The following ZNF385D variants were observed in gnomAD, a reference collection of about 807,000 sequenced individuals.
ZNF385D encodes zinc finger protein 385D, also known as zinc finger protein 659.
In ZNF385D, 15 loss-of-function variants were observed where a neutral mutation model predicts 35.8. The ratio of observed to expected loss-of-function variants is 0.42; its 90% CI spans 0.28 to 0.64. The LOEUF (loss-of-function observed/expected upper bound fraction) is 0.64. Ranked by LOEUF, ZNF385D falls within the 30% of genes least tolerant of loss-of-function variation. The probability of loss-of-function intolerance (pLI) is 0.23; values close to 1 mark genes in which losing one functional copy is unlikely to be tolerated. For synonymous variants in ZNF385D, 212 were observed against 186.8 expected, an observed-to-expected ratio of 1.13 and a Z score of -1.10; for missense variants, 474 against 494.6, an observed-to-expected ratio of 0.96 and a Z score of 0.39.
intron 3 of ZNF385D, among the ~76,000 whole-genome samples, chr3:22,031,053 T>C (rs1450708435): frequency 6.6e-6 from 1 of 152,218 alleles, no homozygotes; most frequent in Non-Finnish European, 1.5e-5. Flanking sequence ...GACATCCTGA[T>C]ACAAGGGGTG....
chr3:21,841,905 CATACAT>C (rs1232220526), intron 3 of ZNF385D, among the ~76,000 whole-genome samples: 1 of 151,392 alleles, frequency 6.6e-6, no homozygotes, highest in African/African-American at 2.4e-5. Flanking sequence ...CTCAGAAATA[CATACAT>C]ATATGTATAT....
intron 1 of ZNF385D, among the ~76,000 whole-genome samples, chr3:21,666,628 G>A (rs1156332220): frequency 1.3e-5 from 2 of 152,142 alleles, no homozygotes; most frequent in Admixed American, 6.5e-5. Context: ...TGTCCACTTG[G>A]TAGTGTATTG....
intron 2 of ZNF385D, among the ~76,000 whole-genome samples, chr3:22,192,207 G>C (rs1217537282): frequency 6.6e-6 from 1 of 152,186 alleles, no homozygotes; most frequent in Non-Finnish European, 1.5e-5. Flanking sequence ...AGTTCTGAGA[G>C]ATTTGGTGTT....
rs1484494022 is a variant in ZNF385D, at chr3:21,444,318, G to A, written c.440-7115C>T. ...GCTGGTCTTGAACTCCTGACCTGAC[G>A]ATCTGCCCACCTTGGTCTCCAAAAG... On this transcript the variant is annotated intron_variant, in intron 4 of 7. Coordinates refer to ENST00000281523, the MANE Select transcript of ZNF385D (RefSeq NM_024697.3). 4.0e-5 allele frequency among the ~76,000 whole-genome samples: 6 copies of A among 149,888 alleles called. No homozygotes were observed. The East Asian group carries it at 5.9e-4, about 15-fold the overall frequency.
chr3:22,196,446 C>T (rs1162199833), intron 2 of ZNF385D, among the ~76,000 whole-genome samples: 1 of 151,870 alleles, frequency 6.6e-6, no homozygotes, highest in Non-Finnish European at 1.5e-5. Flanking sequence ...AATCTATGTT[C>T]TATTTGTTTT....
At chr3:21,460,864 TTC>T (rs1436134127) in intron 4 of ZNF385D, among the ~76,000 whole-genome samples, 42 of 152,296 alleles carry the variant, frequency 2.8e-4, no homozygotes, top group African/African-American at 1.0e-3. Context: ...AGTCTCAGCT[TTC>T]TCTCTGTCAT....
intron 3 of ZNF385D, among the ~76,000 whole-genome samples, chr3:21,867,755 A>T (rs1383201964): frequency 1.5e-5 from 2 of 134,966 alleles, no homozygotes; most frequent in African/African-American, 5.4e-5. Context: ...AAAAAAAAAA[A>T]ACCTCAACCA....
chr3:22,331,629 G>C (rs144994028), intron 2 of ZNF385D, among the ~76,000 whole-genome samples: 26 of 152,134 alleles, frequency 1.7e-4, no homozygotes, highest in African/African-American at 6.0e-4. Context: ...TCAAAACTTT[G>C]GTACAAGGAG....
intron 3 of ZNF385D, among the ~76,000 whole-genome samples, chr3:21,891,573 G>A (rs1272545883): frequency 6.6e-6 from 1 of 152,052 alleles, no homozygotes; most frequent in Non-Finnish European, 1.5e-5. Flanking sequence ...TGTGTATCTG[G>A]CAATTAAACT....
At chr3:22,171,975 AT>A (rs1694482501) in intron 2 of ZNF385D, among the ~76,000 whole-genome samples, 1 of 152,080 alleles carries the variant, frequency 6.6e-6, no homozygotes, top group African/African-American at 2.4e-5. Flanking sequence ...TTCGTAAGCA[AT>A]TTTCCTCCCC....
intron 3 of ZNF385D, among the ~76,000 whole-genome samples, chr3:21,868,953 G>C (rs1697537322): frequency 6.6e-6 from 1 of 152,024 alleles, no homozygotes; most frequent in Non-Finnish European, 1.5e-5. Context: ...ATATTCTACA[G>C]ATTGCCTAAA....
At chr3:21,846,679 C>G (rs1515451) in intron 3 of ZNF385D, among the ~76,000 whole-genome samples, 66,215 of 151,742 alleles carry the variant, frequency 0.44, 14,710 homozygotes, top group Middle Eastern at 0.48. Flanking sequence ...TTTCCAGAGT[C>G]TGATTCCTAG....
intron 2 of ZNF385D, among the ~76,000 whole-genome samples, chr3:22,242,692 A>G (rs1055753767): frequency 1.3e-5 from 2 of 151,182 alleles, no homozygotes; most frequent in Non-Finnish European, 2.9e-5. Context: ...ATCCTGGAAC[A>G]TTAACAAAAA....
intron 2 of ZNF385D, among the ~76,000 whole-genome samples, chr3:22,358,074 CAATA>C (rs1241987808): frequency 2.6e-5 from 4 of 151,762 alleles, no homozygotes; most frequent in African/African-American, 9.7e-5. Flanking sequence ...ACTGGGCACT[CAATA>C]AATATTTGTC....
chr3:22,365,642 A>G (rs1490686704), intron 2 of ZNF385D, among the ~76,000 whole-genome samples: 1 of 152,132 alleles, frequency 6.6e-6, no homozygotes, highest in Non-Finnish European at 1.5e-5. Flanking sequence ...ACTTTGGGGA[A>G]TTCAAAGGTA....
At chr3:22,077,460 C>T (rs1213662586) in intron 3 of ZNF385D, among the ~76,000 whole-genome samples, 3 of 151,894 alleles carry the variant, frequency 2.0e-5, no homozygotes, top group Non-Finnish European at 4.4e-5. Context: ...GTAATTTGGT[C>T]CAGTTCAGGC....
At chr3:22,262,770 A>C (rs1700701634) in intron 2 of ZNF385D, among the ~76,000 whole-genome samples, 1 of 151,948 alleles carries the variant, frequency 6.6e-6, no homozygotes, top group African/African-American at 2.4e-5. Context: ...ATTAAAAAAA[A>C]AGATAATTGA....
intron 3 of ZNF385D, among the ~76,000 whole-genome samples, chr3:22,003,790 C>T (rs191300511): frequency 2.0e-5 from 3 of 151,632 alleles, no homozygotes; most frequent in Non-Finnish European, 4.4e-5. Context: ...TTGCTTGAAC[C>T]TAGGGGGCAG....
chr3:22,268,293 C>G (rs1335386471), intron 2 of ZNF385D, among the ~76,000 whole-genome samples: 1 of 151,898 alleles, frequency 6.6e-6, no homozygotes, highest in Non-Finnish European at 1.5e-5. Flanking sequence ...CTAATATTTA[C>G]TAAAACTATT....
Sources: allele counts gnomAD v4.1 joint callset (sites outside exome capture counted in the v4.1 genomes callset), GRCh38; gene constraint gnomAD v4.1.1; transcripts MANE v1.5; gene names NCBI Gene and HGNC (gene_info 2026-07-23, HGNC 2026-07-21).